Variants in MBNL1 observed in about 807,000 individuals in gnomAD.
MBNL1 encodes muscleblind like splicing regulator 1, also known as muscleblind-like protein 1.
MBNL1 carries 8 observed loss-of-function variants against 42.2 expected under a neutral mutation model. The ratio of observed to expected loss-of-function variants is 0.19; its 90% CI spans 0.11 to 0.34. MBNL1 has a LOEUF of 0.34. Ranked by LOEUF, MBNL1 falls within the 10% of genes least tolerant of loss-of-function variation. The pLI is 1.00. For synonymous variants in MBNL1, 169 were observed against 173.9 expected (o/e 0.97, Z 0.22); for missense variants, 309 against 495.3 (o/e 0.62, Z 3.57).
chr3:152,410,440 G>GA (rs997591327), intron 2 of MBNL1, among the ~76,000 whole-genome samples: 1 of 152,146 alleles, frequency 6.6e-6, no homozygotes, highest in Non-Finnish European at 1.5e-5. Context: ...GAAAAGTACA[G>GA]AAAAAATATT....
intron 4 of MBNL1, among the ~76,000 whole-genome samples, chr3:152,443,188 C>CA (rs1553933982): frequency 3.5e-5 from 5 of 142,886 alleles, no homozygotes; most frequent in African/African-American, 1.3e-4. Context: ...AAACCCCCCC[C>CA]CCCACACACA....
intron 4 of MBNL1, 76 bp from the exon 5 acceptor site, chr3:152,445,206 C>G: frequency 7.6e-7 from 1 of 1,318,220 alleles, no homozygotes. Context: ...ACCAGTCTTG[C>G]ACTTTAAGTT....
intron 2 of MBNL1, among the ~76,000 whole-genome samples, chr3:152,319,155 G>A (rs1208923907): frequency 1.3e-5 from 2 of 152,038 alleles, no homozygotes; most frequent in African/African-American, 2.4e-5. Flanking sequence ...TTAGCTTCAC[G>A]GAAAACCTTT....
At chr3:152,374,468 T>C (rs1408224167) in intron 2 of MBNL1, among the ~76,000 whole-genome samples, 1 of 152,182 alleles carries the variant, frequency 6.6e-6, no homozygotes, top group Non-Finnish European at 1.5e-5. Context: ...CCCAGCTCTA[T>C]TATAAATCAC....
intron 8 of MBNL1, chr3:152,458,432 T>C (rs1357670141): frequency 4.0e-6 from 2 of 501,822 alleles, no homozygotes; most frequent in Non-Finnish European, 7.3e-6. Context: ...GAAATGGGAT[T>C]AGTATCATTT....
chr3:152,336,483 ATTAAGT>A (rs1047619233), intron 2 of MBNL1, among the ~76,000 whole-genome samples: 1 of 152,238 alleles, frequency 6.6e-6, no homozygotes, highest in African/African-American at 2.4e-5. Context: ...TTTTTAAAAA[ATTAAGT>A]TTAGTTTAAG....
rs142296130 is a variant in MBNL1 at position 152,424,635 on chromosome 3, C to T, written c.346-8082C>T. The stretch of plus-strand genomic sequence containing the variant: ...CCTGTATAGCCAAGACAATCCTAAG[C>T]GAAAAGAACAAAGCTGGAGGCATCA... On this transcript the variant is annotated intron_variant, in intron 3 of 9. Transcript: ENST00000324210. Among the ~76,000 whole-genome samples, 973 of 151,190 alleles carry T rather than the reference C, an allele frequency of 6.4e-3. 10 individuals carry two copies. Among genetic ancestry groups the T allele is most frequent in the African/African-American group, 0.022 (919 of 41,218 alleles).
intron 2 of MBNL1, among the ~76,000 whole-genome samples, chr3:152,380,769 G>C (rs974594346): frequency 6.6e-6 from 1 of 151,588 alleles, no homozygotes; most frequent in Non-Finnish European, 1.5e-5. Flanking sequence ...TATTTCAAAT[G>C]TGTGTGGATG....
chr3:152,271,322 GAA>G, intron 1 of MBNL1, among the ~76,000 whole-genome samples: 1 of 150,082 alleles, frequency 6.7e-6, no homozygotes, highest in East Asian at 1.9e-4. Flanking sequence ...TCTCCTGGGG[GAA>G]AAAAAAAGAG....
intron 2 of MBNL1, among the ~76,000 whole-genome samples, chr3:152,334,515 G>A (rs1479351923): frequency 1.3e-5 from 2 of 152,174 alleles, no homozygotes; most frequent in Non-Finnish European, 2.9e-5. Flanking sequence ...ATGGAGCAAG[G>A]AAGTCATTAC....
intron 2 of MBNL1, among the ~76,000 whole-genome samples, chr3:152,408,181 T>G (rs2098479506): frequency 1.3e-5 from 2 of 152,162 alleles, no homozygotes; most frequent in South Asian, 2.1e-4. Flanking sequence ...GAAAATATAT[T>G]TCCTCCATAG....
intron 2 of MBNL1, among the ~76,000 whole-genome samples, chr3:152,373,982 T>C (rs903915804): frequency 6.6e-6 from 1 of 152,220 alleles, no homozygotes; most frequent in Non-Finnish European, 1.5e-5. Context: ...TCTCACTTTT[T>C]TGGGAGGAGG....
chr3:152,392,120 C>T (rs953411392), intron 2 of MBNL1, among the ~76,000 whole-genome samples: 3 of 151,780 alleles, frequency 2.0e-5, no homozygotes, highest in Non-Finnish European at 1.5e-5. Flanking sequence ...AAGCAGTTGA[C>T]ATTTATAAAT....
intron 3 of MBNL1, among the ~76,000 whole-genome samples, chr3:152,427,130 C>G (rs186926775): frequency 4.6e-5 from 7 of 152,196 alleles, no homozygotes; most frequent in Admixed American, 3.9e-4. Flanking sequence ...TTGTTACTGC[C>G]TTTTTCCATT....
chr3:152,461,024 T>TG (rs1446320314), intron 9 of MBNL1, among the ~76,000 whole-genome samples: 1 of 152,114 alleles, frequency 6.6e-6, no homozygotes, highest in Non-Finnish European at 1.5e-5. Context: ...CGTAAACAAA[T>TG]GAATGTGGAC....
At chr3:152,360,270 T>C (rs1271682346) in intron 2 of MBNL1, among the ~76,000 whole-genome samples, 1 of 152,218 alleles carries the variant, frequency 6.6e-6, no homozygotes, top group Non-Finnish European at 1.5e-5. Context: ...GCAGCTTCCT[T>C]GTTAAACCAA....
At chr3:152,356,670 A>G (rs565299024) in intron 2 of MBNL1, among the ~76,000 whole-genome samples, 5 of 152,232 alleles carry the variant, frequency 3.3e-5, no homozygotes, top group African/African-American at 9.6e-5. Context: ...GGGTTTCACC[A>G]TGTTGGTCAG....
intron 1 of MBNL1, among the ~76,000 whole-genome samples, chr3:152,294,216 A>G (rs905272696): frequency 6.6e-6 from 1 of 151,632 alleles, no homozygotes; most frequent in African/African-American, 2.4e-5. Flanking sequence ...AGCGTTTGGA[A>G]TGTGATCAGT....
intron 2 of MBNL1, among the ~76,000 whole-genome samples, chr3:152,406,113 G>A (rs2098421021): frequency 6.6e-6 from 1 of 152,188 alleles, no homozygotes. Context: ...ACTCTGGTTT[G>A]GCTCAGGGAT....
Sources: allele counts gnomAD v4.1 joint callset (sites outside exome capture counted in the v4.1 genomes callset), GRCh38; gene constraint gnomAD v4.1.1; transcripts MANE v1.5; gene names NCBI Gene and HGNC (gene_info 2026-07-23, HGNC 2026-07-21).